The following BCAR3 variants were observed in gnomAD, a reference collection of about 807,000 sequenced individuals.
BCAR3 encodes breast cancer anti-estrogen resistance protein 3.
Under a neutral mutation model 80.1 loss-of-function variants are expected in BCAR3, and 37 were observed. That is an observed-to-expected ratio of 0.46 (90% CI 0.36 to 0.61). The LOEUF (loss-of-function observed/expected upper bound fraction) is 0.61, where lower values mean the gene tolerates loss of function less well. Among genes scored for constraint, BCAR3 ranks in the 20% least tolerant of loss-of-function variants. The pLI is 0.00. For synonymous variants in BCAR3, 389 were observed against 418.9 expected (o/e 0.93, Z 0.87); for missense variants, 978 against 1,068.2 (o/e 0.92, Z 1.18).
At chr1:93,738,698 G>C (rs1390301802) in intron 2 of BCAR3, among the ~76,000 whole-genome samples, 1 of 152,176 alleles carries the variant, frequency 6.6e-6, no homozygotes, top group East Asian at 1.9e-4. Context: ...GGTGGGGAGA[G>C]CACTGGTCGG....
At chr1:93,580,571 A>G (rs1422965679) in intron 7 of BCAR3, among the ~76,000 whole-genome samples, 1 of 151,786 alleles carries the variant, frequency 6.6e-6, no homozygotes, top group African/African-American at 2.4e-5. Flanking sequence ...CCTTGCCATT[A>G]TTCCCTAAAT....
intron 3 of BCAR3, among the ~76,000 whole-genome samples, chr1:93,634,637 A>C (rs887433548): frequency 9.9e-5 from 15 of 151,924 alleles, no homozygotes; most frequent in African/African-American, 3.6e-4. Flanking sequence ...GGAGGTTGCA[A>C]TGAGTCAAGA....
At chr1:93,707,793 G>A (rs1649875826) in intron 2 of BCAR3, among the ~76,000 whole-genome samples, 1 of 152,174 alleles carries the variant, frequency 6.6e-6, no homozygotes, top group South Asian at 2.1e-4. Context: ...CTGGACATTA[G>A]ATCAAAAAGA....
intron 2 of BCAR3, among the ~76,000 whole-genome samples, chr1:93,844,007 AC>A (rs747268552): frequency 7.9e-5 from 12 of 152,196 alleles, no homozygotes; most frequent in Non-Finnish European, 1.8e-4. Flanking sequence ...GAAATCACTA[AC>A]CACACAGTAA....
chr1:93,705,101 A>G (rs1364751187), intron 3 of BCAR3, among the ~76,000 whole-genome samples: 2 of 152,276 alleles, frequency 1.3e-5, no homozygotes, highest in Non-Finnish European at 2.9e-5. Flanking sequence ...AGCTGGTTCT[A>G]GCTCCACCCG....
intron 1 of BCAR3, among the ~76,000 whole-genome samples, chr1:93,679,668 G>A (rs75734767): frequency 0.015 from 2,227 of 152,278 alleles, 54 homozygotes; most frequent in African/African-American, 0.051. Context: ...GAACAAGAGC[G>A]AGGCTGACAA....
chr1:93,643,545 CAAAAAAA>C (rs547667389), intron 2 of BCAR3, among the ~76,000 whole-genome samples: 253 of 22,276 alleles, frequency 0.011, 1 homozygote, highest in African/African-American at 0.024. Context: ...GACTCTTTCT[CAAAAAAA>C]AAAAAAAAAA....
At chr1:93,822,785 G>T (rs76187507) in intron 2 of BCAR3, among the ~76,000 whole-genome samples, 7,715 of 151,872 alleles carry the variant, frequency 0.051, 274 homozygotes, top group African/African-American at 0.093. Flanking sequence ...GTGAGACAAA[G>T]TTATCTGTAA....
intron 2 of BCAR3, among the ~76,000 whole-genome samples, chr1:93,644,283 T>C (rs1402250734): frequency 6.6e-6 from 1 of 152,242 alleles, no homozygotes; most frequent in Non-Finnish European, 1.5e-5. Flanking sequence ...TTGTCATCTG[T>C]TGTCTCTAAG....
At chr1:93,777,375 CTCCTCT>C (rs1652594413) in intron 2 of BCAR3, among the ~76,000 whole-genome samples, 5 of 115,198 alleles carry the variant, frequency 4.3e-5, no homozygotes, top group African/African-American at 1.1e-4. Flanking sequence ...CTTCTTCTTC[CTCCTCT>C]TCTTCTTCCT....
At chr1:93,724,942 G>T (rs1158469460) in intron 2 of BCAR3, among the ~76,000 whole-genome samples, 3 of 152,186 alleles carry the variant, frequency 2.0e-5, no homozygotes, top group Non-Finnish European at 4.4e-5. Context: ...GAAACTGCCT[G>T]ACGGAAGGGT....
intron 1 of BCAR3, chr1:93,846,807 G>C (rs554465942): frequency 1.3e-5 from 6 of 465,140 alleles, no homozygotes; most frequent in Admixed American, 7.0e-5. Flanking sequence ...GGCAAGACGA[G>C]CTCTCGGAGG....
chr1:93,730,542 T>G (rs1417155229), intron 2 of BCAR3, among the ~76,000 whole-genome samples: 5 of 152,182 alleles, frequency 3.3e-5, no homozygotes, highest in Non-Finnish European at 7.3e-5. Flanking sequence ...GGTTACATGT[T>G]TATACACATA....
intron 2 of BCAR3, among the ~76,000 whole-genome samples, chr1:93,748,863 G>A (rs11164975): frequency 0.12 from 17,794 of 152,102 alleles, 1,461 homozygotes; most frequent in African/African-American, 0.22. Context: ...GGGGTACATG[G>A]GAATAGGAAC....
At chr1:93,587,700 C>A (rs140251878) in intron 5 of BCAR3, among the ~76,000 whole-genome samples, 17,958 of 126,212 alleles carry the variant, frequency 0.14, 1,301 homozygotes, top group Middle Eastern at 0.2. Context: ...GACCCCCCCG[C>A]CAAAAAAAAA....
At chr1:93,718,626 G>A (rs1650271503) in intron 2 of BCAR3, among the ~76,000 whole-genome samples, 1 of 151,552 alleles carries the variant, frequency 6.6e-6, no homozygotes, top group Non-Finnish European at 1.5e-5. Flanking sequence ...GTCCCTCCAG[G>A]ATGCTTGGCC....
intron 2 of BCAR3, among the ~76,000 whole-genome samples, chr1:93,755,869 C>A (rs1651726784): frequency 6.6e-6 from 1 of 152,120 alleles, no homozygotes. Context: ...ACTTTTGTAT[C>A]ATTTAAATTT....
At chr1:93,632,724 T>C (rs942397896) in intron 3 of BCAR3, among the ~76,000 whole-genome samples, 1 of 152,190 alleles carries the variant, frequency 6.6e-6, no homozygotes, top group Non-Finnish European at 1.5e-5. Flanking sequence ...ACTGGAACTT[T>C]ATGTAATTTT....
intron 5 of BCAR3, among the ~76,000 whole-genome samples, chr1:93,585,512 G>A (rs1298998764): frequency 6.6e-6 from 1 of 152,124 alleles, no homozygotes; most frequent in East Asian, 1.9e-4. Context: ...GGGCCAACTA[G>A]GAGGCCTTCC....
Sources: gnomAD v4.1 joint callset for allele counts (sites outside exome capture counted in the v4.1 genomes callset) on GRCh38, gnomAD v4.1.1 for gene constraint, MANE v1.5 for transcripts, NCBI Gene and HGNC (gene_info 2026-07-23, HGNC 2026-07-21) for gene names.